NXPH1: variants seen among roughly 807,000 people sequenced by gnomAD.
NXPH1 encodes neurexophilin 1.
A neutral mutation model predicts 23.7 loss-of-function variants in NXPH1; 5 were observed. That is an observed-to-expected ratio of 0.21 (90% CI 0.11 to 0.44). NXPH1 has a LOEUF of 0.44. NXPH1 is among the 20% of genes least tolerant of loss of function. NXPH1 has a pLI of 0.99. For missense variants in NXPH1, 324 were observed against 321.6 expected, an observed-to-expected ratio of 1.01 and a Z score of -0.06; for synonymous variants, 144 against 122.2, an observed-to-expected ratio of 1.18 and a Z score of -1.18.
intron 2 of NXPH1, among the ~76,000 whole-genome samples, chr7:8,663,653 A>G (rs1478254307): frequency 6.6e-6 from 1 of 152,138 alleles, no homozygotes; most frequent in East Asian, 1.9e-4. Flanking sequence ...TTAATCTAAT[A>G]GTCTGATTTA....
At chr7:8,687,891 A>G (rs547821609) in intron 2 of NXPH1, among the ~76,000 whole-genome samples, 69 of 151,760 alleles carry the variant, frequency 4.5e-4, no homozygotes, top group African/African-American at 1.6e-3. Context: ...TATTTTTAAT[A>G]TATTTGAAAA....
intron 2 of NXPH1, among the ~76,000 whole-genome samples, chr7:8,680,684 A>T (rs958333731): frequency 2.0e-5 from 3 of 152,256 alleles, no homozygotes; most frequent in Non-Finnish European, 2.9e-5. Context: ...TTGTAGAATT[A>T]TTATGCAATG....
At chr7:8,480,977 A>G (rs1401451690) in intron 2 of NXPH1, among the ~76,000 whole-genome samples, 15 of 152,172 alleles carry the variant, frequency 9.9e-5, no homozygotes, top group Admixed American at 9.8e-4. Flanking sequence ...ACTGACAGAA[A>G]CTAGGCGTGA....
intron 2 of NXPH1, among the ~76,000 whole-genome samples, chr7:8,736,006 C>G (rs1343065547): frequency 6.6e-6 from 1 of 151,952 alleles, no homozygotes; most frequent in Non-Finnish European, 1.5e-5. Flanking sequence ...TTTATTGTGC[C>G]TATTCGATTC....
chr7:8,468,583 A>G (rs948960817), intron 2 of NXPH1, among the ~76,000 whole-genome samples: 6 of 152,116 alleles, frequency 3.9e-5, no homozygotes, highest in Non-Finnish European at 8.8e-5. Flanking sequence ...TACTCAACCA[A>G]TGATCAGGAA....
chr7:8,516,021 T>C (rs1817681580), intron 2 of NXPH1, among the ~76,000 whole-genome samples: 1 of 152,134 alleles, frequency 6.6e-6, no homozygotes, highest in Non-Finnish European at 1.5e-5. Flanking sequence ...CATATATTTT[T>C]CTGCCACCAA....
intron 2 of NXPH1, among the ~76,000 whole-genome samples, chr7:8,659,656 T>C (rs10229297): frequency 0.032 from 4,907 of 152,204 alleles, 258 homozygotes; most frequent in African/African-American, 0.11. Flanking sequence ...GGGTGCAGCA[T>C]ACCAACATGG....
chr7:8,495,617 A>G (rs555833804), intron 2 of NXPH1, among the ~76,000 whole-genome samples: 3 of 151,962 alleles, frequency 2.0e-5, no homozygotes, highest in Non-Finnish European at 4.4e-5. Context: ...AAGAGGAATG[A>G]TTTAGGAGGA....
At chr7:8,463,185 A>G (rs1276816132) in intron 2 of NXPH1, among the ~76,000 whole-genome samples, 1 of 152,224 alleles carries the variant, frequency 6.6e-6, no homozygotes, top group Admixed American at 6.5e-5. Context: ...AAAGTGAAAT[A>G]CATACTGCTC....
At position 8,442,962 on chromosome 7, in the gene NXPH1, G is replaced by A. The variant is rs557449282; in HGVS notation, c.54+7195G>A. Among the ~76,000 whole-genome samples the A allele has an allele frequency of 1.0e-3, 157 of 152,370 alleles. 1 individual carries two copies. Among genetic ancestry groups the A allele is most frequent in the Middle Eastern group, 6.8e-3 (2 of 294 alleles). Reference sequence around the variant, plus strand: ...GCGGGCGTGGGGCACGCCAGGGCCGGGAGAGCGACTCTTCAGCACCACGGC... The same window carrying A: ...GCGGGCGTGGGGCACGCCAGGGCCGAGAGAGCGACTCTTCAGCACCACGGC... On this transcript the variant is annotated intron_variant, in intron 2 of 2. Transcript: ENST00000405863. The surrounding 1 kb of genome is among the most constrained non-coding windows in gnomAD (Gnocchi z 4.6).
chr7:8,537,208 C>A (rs145555954), intron 2 of NXPH1, among the ~76,000 whole-genome samples: 70 of 152,040 alleles, frequency 4.6e-4, no homozygotes, highest in African/African-American at 1.4e-3. Context: ...ACACTGCTTA[C>A]TCTTTATTTC....
At chr7:8,659,439 C>T (rs1230175758) in intron 2 of NXPH1, among the ~76,000 whole-genome samples, 1 of 152,070 alleles carries the variant, frequency 6.6e-6, no homozygotes, top group Non-Finnish European at 1.5e-5. Flanking sequence ...TGTCTTCTCT[C>T]AACTCGTCTG....
intron 2 of NXPH1, among the ~76,000 whole-genome samples, chr7:8,687,798 T>G (rs922641452): frequency 6.6e-6 from 1 of 152,208 alleles, no homozygotes; most frequent in Non-Finnish European, 1.5e-5. Context: ...TCATTGATAC[T>G]ACTGTCTCTC....
At chr7:8,711,466 A>G (rs1779794317) in intron 2 of NXPH1, among the ~76,000 whole-genome samples, 1 of 152,224 alleles carries the variant, frequency 6.6e-6, no homozygotes, top group Non-Finnish European at 1.5e-5. Flanking sequence ...GAAGCTCATA[A>G]TCTGGTTTGG....
At chr7:8,664,610 T>C (rs1368815099) in intron 2 of NXPH1, among the ~76,000 whole-genome samples, 2 of 152,136 alleles carry the variant, frequency 1.3e-5, no homozygotes, top group Non-Finnish European at 2.9e-5. Context: ...CTCTAGACTG[T>C]TTTCCATAAT....
intron 2 of NXPH1, among the ~76,000 whole-genome samples, chr7:8,528,589 T>C (rs1817901802): frequency 6.6e-6 from 1 of 152,218 alleles, no homozygotes; most frequent in African/African-American, 2.4e-5. Context: ...AAAAATATGT[T>C]CCTTTTTGCA....
chr7:8,618,210 T>C (rs1819787645), intron 2 of NXPH1, among the ~76,000 whole-genome samples: 1 of 152,128 alleles, frequency 6.6e-6, no homozygotes, highest in Admixed American at 6.6e-5. Context: ...TACTTTATGA[T>C]CTGGGCATTT....
At chr7:8,469,882 G>A (rs1004899982) in intron 2 of NXPH1, among the ~76,000 whole-genome samples, 1 of 152,078 alleles carries the variant, frequency 6.6e-6, no homozygotes, top group South Asian at 2.1e-4. Context: ...TAAGGAAACT[G>A]AGCTTCAGTG....
chr7:8,593,979 G>A (rs1400502300), intron 2 of NXPH1, among the ~76,000 whole-genome samples: 2 of 151,974 alleles, frequency 1.3e-5, no homozygotes, highest in Non-Finnish European at 2.9e-5. Flanking sequence ...TTAAAAACAT[G>A]TAAGTGGGTA....
Sources: allele counts gnomAD v4.1 joint callset (sites outside exome capture counted in the v4.1 genomes callset), GRCh38; gene constraint gnomAD v4.1.1; non-coding constraint Gnocchi (gnomAD v3.1); transcripts MANE v1.5; gene names NCBI Gene and HGNC (gene_info 2026-07-23, HGNC 2026-07-21).